Variants in RAI2 observed in about 807,000 individuals in gnomAD.
RAI2 encodes the protein retinoic acid induced 2.
In RAI2, 5 loss-of-function variants were observed where a neutral mutation model predicts 15.3. The observed-to-expected ratio is 0.33, with a 90% CI of 0.17 to 0.69. The LOEUF (loss-of-function observed/expected upper bound fraction) is 0.69, where lower values mean the gene tolerates loss of function less well. Among genes scored for constraint, RAI2 ranks in the 30% least tolerant of loss-of-function variants. RAI2 has a pLI of 0.69. For missense variants in RAI2, 424 were observed against 424.7 expected, an observed-to-expected ratio of 1.00 and a Z score of 0.01; for synonymous variants, 191 against 184.0, an observed-to-expected ratio of 1.04 and a Z score of -0.31.
At chrX:17,826,720 T>G (rs916453954) in intron 1 of RAI2, among the ~76,000 whole-genome samples, 2 of 111,712 alleles carry the variant, frequency 1.8e-5, no homozygotes, top group African/African-American at 6.5e-5. Context: ...TGGTGGGAAG[T>G]GCTTGGGTCA....
intron 1 of RAI2, among the ~76,000 whole-genome samples, chrX:17,824,026 C>A (rs1183357007): frequency 8.9e-6 from 1 of 112,185 alleles, no homozygotes; most frequent in Non-Finnish European, 1.9e-5. Context: ...GTCCACAGTG[C>A]CTGGTATACA....
At chrX:17,852,825 A>G (rs186561216) in intron 1 of RAI2, among the ~76,000 whole-genome samples, 3 of 111,926 alleles carry the variant, frequency 2.7e-5, no homozygotes, top group Non-Finnish European at 5.6e-5. Context: ...GATGGGGGCT[A>G]CCTGAATTTC....
intron 1 of RAI2, among the ~76,000 whole-genome samples, chrX:17,857,448 A>G (rs763867394): frequency 9.0e-6 from 1 of 111,724 alleles, no homozygotes; most frequent in East Asian, 2.8e-4. Context: ...TTTATTTGAG[A>G]CAGTTTCTAG....
At chrX:17,822,029 T>G (rs991469575) in intron 1 of RAI2, among the ~76,000 whole-genome samples, 1 of 111,889 alleles carries the variant, frequency 8.9e-6, no homozygotes, top group Non-Finnish European at 1.9e-5. Context: ...TCCATGTGAA[T>G]ATTTCCAAAT....
At chrX:17,858,080 C>T (rs1468753813) in intron 1 of RAI2, among the ~76,000 whole-genome samples, 5 of 111,346 alleles carry the variant, frequency 4.5e-5, no homozygotes, top group East Asian at 2.9e-4. Context: ...TCCATGCTGA[C>T]GTGTCCCACT....
chrX:17,807,542 T>C (rs1324986796), intron 1 of RAI2, among the ~76,000 whole-genome samples: 1 of 111,792 alleles, frequency 8.9e-6, no homozygotes, highest in African/African-American at 3.3e-5. Context: ...TTGCCGACTC[T>C]TTTTATTGAT....
chrX:17,821,417 G>C (rs949962641), intron 1 of RAI2, among the ~76,000 whole-genome samples: 1 of 110,957 alleles, frequency 9.0e-6, no homozygotes, highest in Admixed American at 9.6e-5. Context: ...AGGGAGCAGG[G>C]TGTGGGGAAG....
chrX:17,860,655 GT>G (rs951992365), intron 1 of RAI2: 21 of 112,582 alleles, frequency 1.9e-4, no homozygotes, highest in African/African-American at 6.4e-4. Flanking sequence ...AAGGCGCCGG[GT>G]TTTCCGGGCC....
intron 1 of RAI2, among the ~76,000 whole-genome samples, chrX:17,856,118 G>A (rs1462330027): frequency 1.8e-5 from 2 of 112,230 alleles, no homozygotes; most frequent in South Asian, 3.7e-4. Context: ...GTGCTCCAAA[G>A]TTCTCTAGAA....
chrX:17,838,865 A>G (rs956909959), intron 1 of RAI2, among the ~76,000 whole-genome samples: 4 of 111,531 alleles, frequency 3.6e-5, no homozygotes, highest in Non-Finnish European at 7.5e-5. Context: ...ACCACATCAC[A>G]CTGCACAGAC....
intron 1 of RAI2, among the ~76,000 whole-genome samples, chrX:17,857,651 T>C (rs1329543221): frequency 1.8e-5 from 2 of 110,536 alleles, no homozygotes; most frequent in Non-Finnish European, 3.8e-5. Context: ...CACCAGGAAC[T>C]TCAGGCCCCC....
intron 1 of RAI2, among the ~76,000 whole-genome samples, chrX:17,816,075 C>T (rs1318978824): frequency 9.3e-6 from 1 of 107,814 alleles, no homozygotes; most frequent in Admixed American, 1.0e-4. Flanking sequence ...TTCCCCCCAC[C>T]CCCACTTACT....
At chrX:17,818,769 C>T (rs557147971) in intron 1 of RAI2, among the ~76,000 whole-genome samples, 1 of 112,182 alleles carries the variant, frequency 8.9e-6, no homozygotes, top group South Asian at 3.7e-4. Context: ...GGAGGATTTC[C>T]AGTTGCCTAT....
intron 1 of RAI2, among the ~76,000 whole-genome samples, chrX:17,852,013 C>T (rs1358513301): frequency 2.7e-5 from 3 of 111,818 alleles, no homozygotes; most frequent in Admixed American, 9.4e-5. Flanking sequence ...ACAGCGGTGG[C>T]CCCAGTGGCC....
chrX:17,849,057 C>T (rs2147276798), intron 1 of RAI2, among the ~76,000 whole-genome samples: 1 of 112,617 alleles, frequency 8.9e-6, no homozygotes, highest in South Asian at 3.7e-4. Context: ...GGGAAGGAAG[C>T]TTCTCCCTGC....
At chrX:17,830,858 TATGATAGAAAA>T (rs1457472855) in intron 1 of RAI2, among the ~76,000 whole-genome samples, 1 of 112,094 alleles carries the variant, frequency 8.9e-6, no homozygotes, top group Non-Finnish European at 1.9e-5. Flanking sequence ...TTGATTCCCA[TATGATAGAAAA>T]ATAATAGTTT....
rs2066905327 is a variant in RAI2 at position 17,801,263 on chromosome X, T to G, written c.748A>C (p.Ile250Leu). 1.7e-6 allele frequency: 2 copies of G among 1,194,750 alleles called. No homozygotes were observed. The highest frequency in any genetic ancestry group is 2.3e-6 in the Non-Finnish European group (2 of 887,346). Residue 250 changes from isoleucine (I) to leucine (L), a missense_variant, in exon 2 of 2, where the codon ATC (isoleucine) becomes CTC (leucine). Physicochemically the swap from Ile to Leu is conservative, Grantham distance 5. Transcript: ENST00000451717. ...LPVPVPIPIP[I>L]PMPQSSESKF... ...GATTCAGAACTCTGAGGCATCGGGA[T>G]GGGGATGGGAATAGGGACTGGCACA...
chrX:17,826,252 A>C (rs2067225743), intron 1 of RAI2, among the ~76,000 whole-genome samples: 1 of 110,561 alleles, frequency 9.0e-6, no homozygotes, highest in Non-Finnish European at 1.9e-5. Context: ...CAGCCTTCTT[A>C]GATAGAGAAG....
intron 1 of RAI2, among the ~76,000 whole-genome samples, chrX:17,849,886 TTC>T (rs2067507953): frequency 8.9e-6 from 1 of 112,756 alleles, no homozygotes; most frequent in South Asian, 3.7e-4. Context: ...CTTCCTTTTC[TTC>T]TCTTTTTTTC....
Sources: allele counts gnomAD v4.1 joint callset (sites outside exome capture counted in the v4.1 genomes callset), GRCh38; gene constraint gnomAD v4.1.1; transcripts MANE v1.5; gene names NCBI Gene and HGNC (gene_info 2026-07-23, HGNC 2026-07-21).